TMEM182: variants seen among roughly 807,000 people sequenced by gnomAD.
TMEM182 encodes the protein transmembrane protein 182.
Under a neutral mutation model 26.8 loss-of-function variants are expected in TMEM182, and 20 were observed. That is an observed-to-expected ratio of 0.75 (90% CI 0.53 to 1.09). The LOEUF (loss-of-function observed/expected upper bound fraction) is 1.09. TMEM182 is among the 50% of genes least tolerant of loss of function. The probability of loss-of-function intolerance (pLI) is 0.00; values close to 1 mark genes in which losing one functional copy is unlikely to be tolerated. For missense variants in TMEM182, 277 were observed against 275.5 expected, an observed-to-expected ratio of 1.01 and a Z score of -0.04; for synonymous variants, 109 against 102.2, an observed-to-expected ratio of 1.07 and a Z score of -0.40.
chr2:102,821,987 C>CAAAAAAAA (rs57270388), downstream of TMEM182, among the ~76,000 whole-genome samples: 2 of 103,178 alleles, frequency 1.9e-5, no homozygotes. Flanking sequence ...GACTCTGTCT[C>CAAAAAAAA]AAAAAAAAAA....
In TMEM182 at chr2:102,764,364, T is replaced by G; in HGVS notation, c.268T>G (p.Tyr90Asp). ...QPPSKNCTHA[Y>D]LSPYPFMRGE... Reference sequence around the variant, plus strand: ...ACCGTCCAAGAACTGCACACATGCTTACCTGTCTCCGTACCCCTTCATGAG... The same window carrying G: ...ACCGTCCAAGAACTGCACACATGCTGACCTGTCTCCGTACCCCTTCATGAG... Residue 90 changes from tyrosine (Y) to aspartate (D), a missense_variant, in exon 3 of 5, where the codon TAC becomes GAC. By Grantham distance (160) the Tyr-to-Asp change is radical. Coordinates refer to ENST00000412401, the MANE Select transcript of TMEM182 (RefSeq NM_144632.5). 6.2e-7 allele frequency: 1 copy of G among 1,614,014 alleles called. No individual in the cohort carries two copies. The highest frequency in any genetic ancestry group is 8.5e-7 in the Non-Finnish European group (1 of 1,179,918).
intron 3 of TMEM182, among the ~76,000 whole-genome samples, chr2:102,786,220 T>TG (rs941323891): frequency 1.4e-5 from 2 of 146,550 alleles, no homozygotes; most frequent in Non-Finnish European, 3.0e-5. Context: ...GTTTTTTTTT[T>TG]TTTTTTTTTT....
chr2:102,746,014 A>T (rs1239631406), intron 1 of TMEM182, among the ~76,000 whole-genome samples: 1 of 152,176 alleles, frequency 6.6e-6, no homozygotes, highest in East Asian at 1.9e-4. Context: ...GAGAAACTCA[A>T]ACTGTTTTCC....
At chr2:102,843,539 C>A (rs563539175) in exon 4 of TMEM182, 11 of 152,318 alleles carry the variant, frequency 7.2e-5, no homozygotes, top group African/African-American at 2.2e-4. Context: ...TGGGATGGAC[C>A]AGTCACTGGA....
chr2:102,837,327 T>C (rs995074967), intron 3 of TMEM182, among the ~76,000 whole-genome samples: 2 of 152,214 alleles, frequency 1.3e-5, no homozygotes, highest in African/African-American at 4.8e-5. Flanking sequence ...AAAAACGTTA[T>C]TTGTTTTTAA....
Position 102,816,542 on chromosome 2 carries a change from A to G in TMEM182, c.*1574A>G. 1.0e-6 allele frequency: 1 copy of G among 969,494 alleles called. No homozygotes were observed. The highest frequency in any genetic ancestry group is 1.2e-6 in the Non-Finnish European group (1 of 816,826). The allele number at this position is 969,494 out of a possible 1,614,324, so 60.1% of individuals were successfully genotyped here. On this transcript the variant is annotated 3_prime_UTR_variant, in exon 5 of 5. Transcript: ENST00000412401. Reference sequence around the variant, plus strand: ...AATAATAATAATAATAATAATAATAATAATAAAGCTCCAGAGGCCTAACTG... The same window carrying G: ...AATAATAATAATAATAATAATAATAGTAATAAAGCTCCAGAGGCCTAACTG...
At chr2:102,804,566 T>C (rs1171426043) in intron 4 of TMEM182, among the ~76,000 whole-genome samples, 1 of 152,168 alleles carries the variant, frequency 6.6e-6, no homozygotes, top group Non-Finnish European at 1.5e-5. Context: ...TTGATGGGCA[T>C]TTGGGTTGGA....
intron 3 of TMEM182, among the ~76,000 whole-genome samples, chr2:102,786,359 C>T (rs566754028): frequency 5.9e-5 from 9 of 151,994 alleles, no homozygotes; most frequent in Admixed American, 1.3e-4. Context: ...GGATTACAGG[C>T]GCCTGCCACC....
At chr2:102,750,039 T>C (rs1679832981) in intron 1 of TMEM182, among the ~76,000 whole-genome samples, 1 of 151,884 alleles carries the variant, frequency 6.6e-6, no homozygotes, top group Non-Finnish European at 1.5e-5. Flanking sequence ...AAATAAATGT[T>C]TTTTTTTAAA....
At chr2:102,810,117 A>G (rs1368668427) in intron 4 of TMEM182, among the ~76,000 whole-genome samples, 3 of 152,018 alleles carry the variant, frequency 2.0e-5, no homozygotes, top group Non-Finnish European at 2.9e-5. Context: ...ATAATCCAAA[A>G]CACTCTCTTT....
chr2:102,834,477 C>T (rs1683206409), intron 3 of TMEM182: 1 of 977,696 alleles, frequency 1.0e-6, no homozygotes, highest in Non-Finnish European at 1.2e-6. Context: ...CCATGGTCTC[C>T]AACCCACTTT....
chr2:102,806,208 TTTACATTTTCG>T (rs1393118566), intron 4 of TMEM182, among the ~76,000 whole-genome samples: 8 of 152,202 alleles, frequency 5.3e-5, no homozygotes, highest in African/African-American at 1.9e-4. Flanking sequence ...ATTTGTTTTC[TTTACATTTTCG>T]TGTATGGAAA....
chr2:102,779,029 G>C (rs1681048502), intron 3 of TMEM182, among the ~76,000 whole-genome samples: 1 of 151,930 alleles, frequency 6.6e-6, no homozygotes, highest in African/African-American at 2.4e-5. Context: ...ACAAATCTTA[G>C]TTTTCATTCA....
chr2:102,766,528 AT>A (rs1242703339), intron 3 of TMEM182, among the ~76,000 whole-genome samples: 3 of 152,212 alleles, frequency 2.0e-5, no homozygotes, highest in African/African-American at 7.2e-5. Flanking sequence ...ACTCATCTCC[AT>A]AATAATATAC....
chr2:102,771,244 T>G (rs1250548716), intron 3 of TMEM182, among the ~76,000 whole-genome samples: 1 of 152,190 alleles, frequency 6.6e-6, no homozygotes, highest in Non-Finnish European at 1.5e-5. Context: ...TCAACTTAAT[T>G]TGCTGGTATT....
At chr2:102,829,085 C>T (rs1288516565) in intron 3 of TMEM182, among the ~76,000 whole-genome samples, 5 of 152,164 alleles carry the variant, frequency 3.3e-5, no homozygotes, top group Admixed American at 6.5e-5. Flanking sequence ...TTAATGCATC[C>T]TGATGAGCAA....
At chr2:102,766,712 T>C (rs1032671188) in intron 3 of TMEM182, among the ~76,000 whole-genome samples, 1 of 152,224 alleles carries the variant, frequency 6.6e-6, no homozygotes, top group Admixed American at 6.5e-5. Context: ...TTAAGTTTCA[T>C]GTAGCTTCAC....
chr2:102,789,268 T>C lies in TMEM182; in HGVS notation c.332-8595T>C, dbSNP rs369097269. ...CAAGTTTTGAAAAATGAATAACACT[T>C]AAGTTTATCTTTAAGCTGCAAATAA... is the stretch of plus-strand genomic sequence containing the variant. On this transcript the variant is annotated intron_variant, in intron 3 of 4. Transcript: ENST00000412401. 4.6e-5 allele frequency among the ~76,000 whole-genome samples: 7 copies of C among 152,308 alleles called. No homozygotes were observed. In the East Asian group the frequency reaches 1.2e-3, roughly 25 times the overall value.
At chr2:102,804,091 G>A (rs959863364) in intron 4 of TMEM182, among the ~76,000 whole-genome samples, 5 of 152,206 alleles carry the variant, frequency 3.3e-5, no homozygotes, top group African/African-American at 1.2e-4. Flanking sequence ...CCAAGGTGTG[G>A]CTACAGTGGC....
Sources: gnomAD v4.1 joint callset for allele counts (sites outside exome capture counted in the v4.1 genomes callset) on GRCh38, gnomAD v4.1.1 for gene constraint, MANE v1.5 for transcripts, NCBI Gene and HGNC (gene_info 2026-07-23, HGNC 2026-07-21) for gene names.